The following SLC2A14 variants were observed in gnomAD, a reference collection of about 807,000 sequenced individuals.
The protein encoded by SLC2A14 is solute carrier family 2, facilitated glucose transporter member 14.
Under a neutral mutation model 43.0 loss-of-function variants are expected in SLC2A14, and 13 were observed. The observed-to-expected ratio is 0.30, with a 90% CI of 0.20 to 0.48. SLC2A14 has a LOEUF of 0.48. Ranked by LOEUF, SLC2A14 falls within the 20% of genes least tolerant of loss-of-function variation. The pLI, the probability that SLC2A14 is intolerant of heterozygous loss-of-function variation, is 0.99. For missense variants in SLC2A14, 428 were observed against 620.4 expected (o/e 0.69, Z 3.29); for synonymous variants, 190 against 233.8 (o/e 0.81, Z 1.71).
At chr12:7,821,424 T>A in intron 7 of SLC2A14, 99 bp from the exon 8 acceptor site, 1 of 1,054,868 alleles carries the variant, frequency 9.5e-7, no homozygotes, top group East Asian at 2.5e-5. Flanking sequence ...TGCACAGGCC[T>A]GTAATCCCAG....
At position 7,891,008 on chromosome 12, in the gene SLC2A14, GC is replaced by G. The variant is rs1260863238; in HGVS notation, c.119del (p.Gly40AlafsTer10). 140 of 1,534,146 alleles carry G rather than the reference GC, an allele frequency of 9.1e-5. 1 individual carries two copies. The highest frequency in any genetic ancestry group is 1.7e-4 in the Middle Eastern group (1 of 5,996). ...TAGTTCCACTTACCTCCTCCCCGAC[GC>G]CCCCATTCTGACTCTTCTCCAGAGT... On this transcript the variant is annotated frameshift_variant, in exon 1 of 10. Transcript: ENST00000539924. LOFTEE classifies it high-confidence loss of function.
intron 2 of SLC2A14, among the ~76,000 whole-genome samples, chr12:7,860,141 C>T (rs1448406317): frequency 2.0e-5 from 3 of 152,092 alleles, no homozygotes; most frequent in Non-Finnish European, 2.9e-5. Context: ...CCATCCCTCC[C>T]AGTACTGGCC....
upstream of SLC2A14, among the ~76,000 whole-genome samples, chr12:7,877,469 G>C (rs765922353): frequency 5.1e-4 from 77 of 151,466 alleles, 3 homozygotes; most frequent in South Asian, 0.015. Context: ...CTTGTTGCCC[G>C]GGCTAGAATG....
intron 1 of SLC2A14, among the ~76,000 whole-genome samples, chr12:7,884,845 A>G (rs1945660886): frequency 6.6e-6 from 1 of 152,280 alleles, no homozygotes; most frequent in South Asian, 2.1e-4. Flanking sequence ...GGAGTTAAAA[A>G]TAAATCCCTT....
At chr12:7,871,485 T>G in intron 1 of SLC2A14, 1 of 162,460 alleles carries the variant, frequency 6.2e-6, no homozygotes, top group Admixed American at 6.3e-5. Context: ...CAGGGGATCC[T>G]CCCTTTGAGG....
intron 7 of SLC2A14, among the ~76,000 whole-genome samples, chr12:7,824,639 AG>A (rs1864190154): frequency 6.7e-6 from 1 of 149,788 alleles, no homozygotes; most frequent in African/African-American, 2.5e-5. Context: ...AGGCTGAGGC[AG>A]GAGAATCACT....
intron 2 of SLC2A14, among the ~76,000 whole-genome samples, chr12:7,847,685 GCT>G (rs1282773304): frequency 6.6e-6 from 1 of 152,106 alleles, no homozygotes; most frequent in Non-Finnish European, 1.5e-5. Flanking sequence ...ATCTATTCTA[GCT>G]CTCTCTTTTC....
intron 2 of SLC2A14, among the ~76,000 whole-genome samples, chr12:7,864,062 C>T (rs1240127700): frequency 1.3e-5 from 2 of 151,834 alleles, no homozygotes; most frequent in Admixed American, 6.6e-5. Context: ...GTGATCTGCA[C>T]GCCTCGGCCT....
At chr12:7,883,200 T>C (rs371367631) in intron 1 of SLC2A14, among the ~76,000 whole-genome samples, 2 of 151,444 alleles carry the variant, frequency 1.3e-5, no homozygotes, top group South Asian at 2.1e-4. Flanking sequence ...CAAAAGCAAG[T>C]CTCAGTCTCA....
intron 7 of SLC2A14, among the ~76,000 whole-genome samples, chr12:7,823,728 A>AG (rs368544413): frequency 1.3e-5 from 2 of 151,658 alleles, no homozygotes; most frequent in Admixed American, 6.6e-5. Flanking sequence ...CTCAAAAAAA[A>AG]AGAAAAGAAA....
chr12:7,859,507 G>A (rs768403269), intron 2 of SLC2A14, among the ~76,000 whole-genome samples: 2 of 151,938 alleles, frequency 1.3e-5, no homozygotes, highest in Non-Finnish European at 2.9e-5. Flanking sequence ...CAGGGCTAGG[G>A]TATTAACCAT....
At chr12:7,881,570 A>G (rs10772828) in intron 1 of SLC2A14, among the ~76,000 whole-genome samples, 136,059 of 152,096 alleles carry the variant, frequency 0.89, 60,921 homozygotes, top group Middle Eastern at 0.92. Flanking sequence ...TCCCCGCTCC[A>G]CCTCCGTGGG....
At chr12:7,826,861 T>TCTTTTCTTTCTTTCTTTC (rs1555121667) in intron 7 of SLC2A14, among the ~76,000 whole-genome samples, 1 of 60,268 alleles carries the variant, frequency 1.7e-5, no homozygotes, top group Non-Finnish European at 3.2e-5. Context: ...TTCCTTTCTT[T>TCTTTTCTTTCTTTCTTTC]TTTCTTTCTT....
chr12:7,854,262 A>G (rs972879047), intron 2 of SLC2A14, among the ~76,000 whole-genome samples: 1 of 152,110 alleles, frequency 6.6e-6, no homozygotes, highest in East Asian at 1.9e-4. Flanking sequence ...CTGTTCACCA[A>G]ATTGCAAAAG....
intron 2 of SLC2A14, among the ~76,000 whole-genome samples, chr12:7,862,742 T>C (rs1396314379): frequency 2.0e-5 from 3 of 152,106 alleles, no homozygotes; most frequent in African/African-American, 4.8e-5. Context: ...GGTTTGTAAA[T>C]ACACCAGTCA....
intron 7 of SLC2A14, among the ~76,000 whole-genome samples, chr12:7,821,894 G>A (rs1046465417): frequency 7.0e-6 from 1 of 142,262 alleles, no homozygotes; most frequent in Non-Finnish European, 1.5e-5. Context: ...GCACGATCTC[G>A]GCTCACTGCA....
upstream of SLC2A14, chr12:7,873,440 GA>G: frequency 1.2e-6 from 1 of 807,624 alleles, no homozygotes; most frequent in Non-Finnish European, 1.5e-6. Flanking sequence ...TCAGGGGTTC[GA>G]GACCAGCCTG....
At chr12:7,852,623 A>C (rs907783324) in intron 2 of SLC2A14, among the ~76,000 whole-genome samples, 15 of 152,282 alleles carry the variant, frequency 9.9e-5, no homozygotes, top group African/African-American at 3.6e-4. Flanking sequence ...CAGAATGGTT[A>C]GCAGAATCCC....
upstream of SLC2A14, among the ~76,000 whole-genome samples, chr12:7,874,972 TAAA>T (rs1565585327): frequency 0.037 from 225 of 6,010 alleles, no homozygotes; most frequent in South Asian, 0.16. Context: ...AAATTATATA[TAAA>T]TATATTTATA....
Sources: allele counts gnomAD v4.1 joint callset (sites outside exome capture counted in the v4.1 genomes callset), GRCh38; gene constraint gnomAD v4.1.1; transcripts MANE v1.5; gene names NCBI Gene and HGNC (gene_info 2026-07-23, HGNC 2026-07-21).